Variants in PPM1A observed in about 807,000 individuals in gnomAD.
PPM1A encodes the protein protein phosphatase 1A.
Under a neutral mutation model 35.0 loss-of-function variants are expected in PPM1A, and 7 were observed. The ratio of observed to expected loss-of-function variants is 0.20; its 90% CI spans 0.11 to 0.38. The LOEUF is 0.38. Among genes scored for constraint, PPM1A ranks in the 10% least tolerant of loss-of-function variants. The pLI is 1.00. For synonymous variants in PPM1A, 153 were observed against 167.3 expected, an observed-to-expected ratio of 0.91 and a Z score of 0.66; for missense variants, 239 against 467.8, an observed-to-expected ratio of 0.51 and a Z score of 4.51.
At chr14:60,285,062 A>T (rs1481606952) in intron 2 of PPM1A, among the ~76,000 whole-genome samples, 1 of 152,188 alleles carries the variant, frequency 6.6e-6, no homozygotes, top group Non-Finnish European at 1.5e-5. Context: ...CAGTTTTTAA[A>T]ATTAATACAA....
chr14:60,291,516 CT>C, intron 5 of PPM1A, 62 bp downstream of exon 5: 1 of 1,366,440 alleles, frequency 7.3e-7, no homozygotes, highest in Non-Finnish European at 1.0e-6. Context: ...CATATCCTTC[CT>C]ACCTGTTTTT....
At chr14:60,287,564 C>G (rs1438813555) in intron 3 of PPM1A, 2 of 985,196 alleles carry the variant, frequency 2.0e-6, no homozygotes, top group Admixed American at 1.2e-4. Context: ...TCTTTTCTCT[C>G]TCTCTTCTTT....
chr14:60,288,067 A>G (rs1290188441), intron 3 of PPM1A: 1 of 981,406 alleles, frequency 1.0e-6, no homozygotes. Context: ...AAATTCATTT[A>G]TTTTTCTTTT....
intron 1 of PPM1A, among the ~76,000 whole-genome samples, chr14:60,264,473 GAACAGAGCCTTGCATATTAT>G (rs1884144041): frequency 6.6e-6 from 1 of 152,122 alleles, no homozygotes. Context: ...AAAGCACTTA[GAACAGAGCCTTGCATATTAT>G]AACTGTGACA....
At chr14:60,266,431 T>C (rs1357583554) in intron 1 of PPM1A, among the ~76,000 whole-genome samples, 1 of 152,200 alleles carries the variant, frequency 6.6e-6, no homozygotes, top group Non-Finnish European at 1.5e-5. Context: ...CCTTAGAAAG[T>C]CCTTTCCTAC....
intron 1 of PPM1A, among the ~76,000 whole-genome samples, chr14:60,263,118 C>T (rs187772904): frequency 1.3e-5 from 2 of 151,906 alleles, no homozygotes; most frequent in East Asian, 1.9e-4. Context: ...CTCAGGAGGC[C>T]GAGGCAGGAG....
In PPM1A at chr14:60,283,453, C is replaced by G. The variant is rs779568491; in HGVS notation, c.750C>G (p.Leu250=). 1 of 1,614,006 alleles carries G rather than the reference C, an allele frequency of 6.2e-7. No homozygotes were observed. The highest frequency in any genetic ancestry group is 8.5e-7 in the Non-Finnish European group (1 of 1,180,016). Residue 250 remains leucine (L), a synonymous_variant, in exon 2 of 6, where the codon CTC becomes CTG. Coordinates refer to ENST00000395076, the MANE Select transcript of PPM1A (RefSeq NM_021003.5). This position sits in a 1 kb window ranked among gnomAD's most constrained non-coding sequence, Gnocchi z 6.3. ...GIWDVMGNEE[L]CDFVRSRLEV... ...GGGATGTTATGGGAAATGAAGAGCT[C>G]TGTGATTTTGTAAGATCCAGACTTG...
intron 2 of PPM1A, 150 bp from the exon 3 acceptor site, chr14:60,285,474 A>T: frequency 1.4e-6 from 1 of 708,680 alleles, no homozygotes; most frequent in Non-Finnish European, 2.2e-6. Context: ...ACACACACGC[A>T]CGCATGCGTG....
chr14:60,272,885 A>G (rs576200580), intron 1 of PPM1A, among the ~76,000 whole-genome samples: 40 of 151,672 alleles, frequency 2.6e-4, no homozygotes, highest in Admixed American at 7.9e-4. Context: ...TCAATTTGAT[A>G]CTCTTTCCTT....
chr14:60,283,705 A>C lies in PPM1A; in HGVS notation c.834+168A>C, dbSNP rs959693138. Among the ~76,000 whole-genome samples, 1 of 152,168 alleles carries C rather than the reference A, an allele frequency of 6.6e-6. No homozygotes were observed. The highest frequency in any genetic ancestry group is 1.5e-5 in the Non-Finnish European group (1 of 68,030). Reference sequence around the variant, plus strand: ...ATCATAGGACCACTATGTAGAAATAAATTACCCAATTACCATCTCTGCAAG... The same window carrying C: ...ATCATAGGACCACTATGTAGAAATACATTACCCAATTACCATCTCTGCAAG... On this transcript the variant is annotated intron_variant, in intron 2 of 5. Transcript: ENST00000395076. The surrounding 1 kb of genome is among the most constrained non-coding windows in gnomAD (Gnocchi z 6.3).
chr14:60,286,999 T>C, intron 3 of PPM1A: 1 of 895,508 alleles, frequency 1.1e-6, no homozygotes, highest in Non-Finnish European at 1.3e-6. Flanking sequence ...TGGTTCAAAC[T>C]ATTGATTCAT....
chr14:60,247,322 T>A (rs149294975), upstream of PPM1A, among the ~76,000 whole-genome samples: 664 of 152,170 alleles, frequency 4.4e-3, 3 homozygotes, highest in African/African-American at 0.015. Context: ...GTGGAAATGA[T>A]CCACGATCAT....
chr14:60,284,361 G>C (rs1290854809), intron 2 of PPM1A, among the ~76,000 whole-genome samples: 1 of 152,182 alleles, frequency 6.6e-6, no homozygotes, highest in Non-Finnish European at 1.5e-5. Context: ...TAAGACTGTT[G>C]CCGGGCGCGG....
Position 60,289,283 on chromosome 14 carries a change from C to T in PPM1A, c.953-523C>T, listed in dbSNP as rs1227311300. Among the ~76,000 whole-genome samples the T allele has an allele frequency of 1.3e-5, 2 of 152,002 alleles. No individual in the cohort carries two copies. Among genetic ancestry groups the T allele is most frequent in the Non-Finnish European group, 2.9e-5 (2 of 67,954 alleles). ...GTGATGTTCAAGTACATAATCTGTG[C>T]ATGCTATTTAAGTATCATTTTGCAA... is the stretch of plus-strand genomic sequence containing the variant. On this transcript the variant is annotated intron_variant, in intron 3 of 5. Transcript: ENST00000395076. This position sits in a 1 kb window ranked among gnomAD's most constrained non-coding sequence, Gnocchi z 4.1.
chr14:60,288,292 G>A (rs1019787749), intron 3 of PPM1A: 8 of 961,736 alleles, frequency 8.3e-6, no homozygotes, highest in Non-Finnish European at 9.9e-6. Context: ...GATGATTCAA[G>A]GTAATGTTTT....
intron 1 of PPM1A, among the ~76,000 whole-genome samples, chr14:60,251,160 G>A (rs1882367130): frequency 6.6e-6 from 1 of 152,154 alleles, no homozygotes; most frequent in Admixed American, 6.5e-5. Flanking sequence ...CTTTTAACCT[G>A]GAAGTTTACA....
In PPM1A at chr14:60,292,524, G is replaced by A. The variant is rs1887751425; in HGVS notation, c.*42G>A. 2.0e-6 allele frequency: 3 copies of A among 1,530,754 alleles called. No homozygotes were observed. The highest frequency in any genetic ancestry group is 2.7e-6 in the Non-Finnish European group (3 of 1,107,738). The allele number at this position is 1,530,754 out of a possible 1,614,324, so 94.8% of individuals were successfully genotyped here. ...ATGGAGTTTACCTTCACCTCCAAAG[G>A]AGAGTACAGCTCAACTTTGTTGAAA... On this transcript the variant is annotated 3_prime_UTR_variant, in exon 6 of 6. Coordinates refer to ENST00000395076, the MANE Select transcript of PPM1A (RefSeq NM_021003.5). The surrounding 1 kb of genome is among the most constrained non-coding windows in gnomAD (Gnocchi z 4.2).
chr14:60,252,856 T>A lies in PPM1A; in HGVS notation c.-21+3179T>A, dbSNP rs574565247. Reference sequence around the variant, plus strand: ...GTCTCCAGAATATATTCTTTGATGATTTTGACCTTTGAATGTCCTGGCTAT... The same window carrying A: ...GTCTCCAGAATATATTCTTTGATGAATTTGACCTTTGAATGTCCTGGCTAT... On this transcript the variant is annotated intron_variant, in intron 1 of 5. Transcript: ENST00000395076. Among the ~76,000 whole-genome samples the A allele has an allele frequency of 2.6e-4, 39 of 152,310 alleles. No individual in the cohort carries two copies. In the South Asian group the frequency reaches 3.1e-3, roughly 12 times the overall value.
In PPM1A at chr14:60,273,183, A is replaced by G. The variant is rs1368540214; in HGVS notation, c.-20-9501A>G. Among the ~76,000 whole-genome samples, 1 of 152,140 alleles carries G rather than the reference A, an allele frequency of 6.6e-6. No homozygotes were observed. Among genetic ancestry groups the G allele is most frequent in the Non-Finnish European group, 1.5e-5 (1 of 68,028 alleles). On this transcript the variant is annotated intron_variant, in intron 1 of 5. Transcript: ENST00000395076. The surrounding 1 kb of genome is among the most constrained non-coding windows in gnomAD (Gnocchi z 4.3). ...GCATCTGATTTTGAGTTTATTCAGCAAATATTTATTAATGATTTACTGTAT... is the reference window on the plus strand; with the variant it reads ...GCATCTGATTTTGAGTTTATTCAGCGAATATTTATTAATGATTTACTGTAT...
Sources: allele counts gnomAD v4.1 joint callset (sites outside exome capture counted in the v4.1 genomes callset), GRCh38; gene constraint gnomAD v4.1.1; non-coding constraint Gnocchi (gnomAD v3.1); transcripts MANE v1.5; gene names NCBI Gene and HGNC (gene_info 2026-07-23, HGNC 2026-07-21).